Variants in ZYG11B observed in about 807,000 individuals in gnomAD.
The protein encoded by ZYG11B is zyg-11 family member B, cell cycle regulator, also known as protein zyg-11 homolog B.
In ZYG11B, 36 loss-of-function variants were observed where a neutral mutation model predicts 82.4. The ratio of observed to expected loss-of-function variants is 0.44; its 90% CI spans 0.33 to 0.58. ZYG11B has a LOEUF of 0.58. Ranked by LOEUF, ZYG11B falls within the 20% of genes least tolerant of loss-of-function variation. ZYG11B has a pLI of 0.02. For synonymous variants in ZYG11B, 303 were observed against 312.8 expected (o/e 0.97, Z 0.33); for missense variants, 552 against 895.6 (o/e 0.62, Z 4.90).
At chr1:52,732,047 C>G (rs981918721) in intron 1 of ZYG11B, among the ~76,000 whole-genome samples, 12 of 152,214 alleles carry the variant, frequency 7.9e-5, no homozygotes, top group African/African-American at 2.9e-4. Context: ...ACGTGATCTG[C>G]CCACTTTGGC....
intron 13 of ZYG11B, 158 bp downstream of exon 13, chr1:52,816,787 T>C: frequency 3.5e-6 from 2 of 568,958 alleles, no homozygotes; most frequent in Non-Finnish European, 6.0e-6. Context: ...ATTCTTTTTT[T>C]TTTTTTTTTT....
Position 52,741,293 on chromosome 1 carries a change from C to T in ZYG11B, c.30+14610C>T, listed in dbSNP as rs60538428. ...AGCCTGGGGCAAAAGAGTGAGACTT[C>T]GTCTCAAAAAAAAAAAAAAAAAAAA... On this transcript the variant is annotated intron_variant, in intron 1 of 13. Transcript: ENST00000294353. Among the ~76,000 whole-genome samples, 25 of 33,184 alleles carry T rather than the reference C, an allele frequency of 7.5e-4. No individual in the cohort carries two copies. In the East Asian group the frequency reaches 0.025, roughly 34 times the overall value. The allele number at this position is 33,184 out of a possible 152,430, so 21.8% of individuals were successfully genotyped here. A position where few individuals can be genotyped will look rare whatever the true frequency, so the allele number is the denominator to read the frequency against.
intron 1 of ZYG11B, among the ~76,000 whole-genome samples, chr1:52,729,073 G>T (rs1644308101): frequency 6.6e-6 from 1 of 152,160 alleles, no homozygotes; most frequent in Non-Finnish European, 1.5e-5. Context: ...CTCAGAGTTT[G>T]GAAGGCTGGG....
intron 10 of ZYG11B, chr1:52,805,091 CAA>C (rs57893615): frequency 0.074 from 8,280 of 111,800 alleles, 448 homozygotes; most frequent in East Asian, 0.32. Context: ...AACTCTGTCT[CAA>C]AAAAAAAAAA....
At chr1:52,797,427 T>TATATTATATATCATATATTATA (rs1558137821) in intron 8 of ZYG11B, among the ~76,000 whole-genome samples, 2 of 95,980 alleles carry the variant, frequency 2.1e-5, no homozygotes, top group African/African-American at 1.3e-4. Flanking sequence ...ATTATACATA[T>TATATTATATATCATATATTATA]TATATATAAC....
chr1:52,812,938 G>A (rs969331645), intron 10 of ZYG11B, among the ~76,000 whole-genome samples: 4 of 152,046 alleles, frequency 2.6e-5, no homozygotes, highest in African/African-American at 9.7e-5. Flanking sequence ...TGTTGGCCAG[G>A]CTTGTCTTAA....
chr1:52,817,775 GTGTATATATATATATATATATATATATA>G (rs1645239646), intron 13 of ZYG11B, among the ~76,000 whole-genome samples: 1 of 32,568 alleles, frequency 3.1e-5, no homozygotes, highest in South Asian at 1.1e-3. Flanking sequence ...GTATATATAT[GTGTATATATATATATATATATATATATA>G]TATATATATA....
At chr1:52,768,904 C>G (rs61768347) in intron 2 of ZYG11B, among the ~76,000 whole-genome samples, 2,794 of 152,242 alleles carry the variant, frequency 0.018, 50 homozygotes, top group Middle Eastern at 0.024. Flanking sequence ...TACTAACCTC[C>G]TTTCTCTATC....
chr1:52,741,384 G>C (rs542339325), intron 1 of ZYG11B, among the ~76,000 whole-genome samples: 1 of 150,690 alleles, frequency 6.6e-6, no homozygotes, highest in Non-Finnish European at 1.5e-5. Context: ...GGAGTATTAC[G>C]ATGAGAAGTC....
At chr1:52,758,558 A>G (rs74891362) in intron 2 of ZYG11B, among the ~76,000 whole-genome samples, 4,007 of 152,196 alleles carry the variant, frequency 0.026, 139 homozygotes, top group East Asian at 0.17. Context: ...TCCTACACCT[A>G]TATTAAAGGT....
intron 1 of ZYG11B, among the ~76,000 whole-genome samples, chr1:52,749,842 C>T (rs538205062): frequency 2.0e-5 from 3 of 152,170 alleles, no homozygotes; most frequent in East Asian, 3.9e-4. Flanking sequence ...CATGAGCCAC[C>T]GTGCCCATCC....
intron 2 of ZYG11B, among the ~76,000 whole-genome samples, chr1:52,761,776 C>T (rs1644633600): frequency 6.6e-6 from 1 of 152,142 alleles, no homozygotes; most frequent in African/African-American, 2.4e-5. Context: ...TCCATAGAGT[C>T]TGTACTAGTT....
chr1:52,775,701 AAAC>A (rs1454362046), intron 3 of ZYG11B, among the ~76,000 whole-genome samples: 1 of 152,094 alleles, frequency 6.6e-6, no homozygotes, highest in Non-Finnish European at 1.5e-5. Context: ...AAAAACAAAA[AAAC>A]AACAACAAAA....
rs764080592 is a variant in ZYG11B at position 52,726,498 on chromosome 1, G to GCTGCTACTGCTA, written c.-154_-143dup. The GCTGCTACTGCTA allele has an allele frequency of 2.2e-5, 14 of 628,332 alleles. No homozygotes were observed. The highest frequency in any genetic ancestry group is 1.5e-4 in the African/African-American group (8 of 51,748). 38.9% of individuals were successfully genotyped at this position (628,332 alleles called of 1,614,324 possible). On this transcript the variant is annotated 5_prime_UTR_variant, in exon 1 of 14. Coordinates refer to ENST00000294353, the MANE Select transcript of ZYG11B (RefSeq NM_024646.3). ...GGCTGCGGCTGCGGCTGCGGCTGCG[G>GCTGCTACTGCTA]CTGCTACTGCTACGCTCCTAGCTTG...
In ZYG11B at chr1:52,805,091, CAAAAAAAAAAA is replaced by C. The variant is rs57893615; in HGVS notation, c.1695+2965_1695+2975del. 63 of 112,340 alleles carry C rather than the reference CAAAAAAAAAAA, an allele frequency of 5.6e-4. 1 individual carries two copies. Among genetic ancestry groups the C allele is most frequent in the African/African-American group, 1.6e-3 (53 of 33,766 alleles). The allele number at this position is 112,340 out of a possible 1,614,324, so 7.0% of individuals were successfully genotyped here. A position where few individuals can be genotyped will look rare whatever the true frequency, so the allele number is the denominator to read the frequency against. On this transcript the variant is annotated intron_variant, in intron 10 of 13. Transcript: ENST00000294353. ...GGGCAACAAGAGCAAAACTCTGTCT[CAAAAAAAAAAA>C]AAAAAAAAAAAATGGAACACTTTGC...
At chr1:52,756,938 C>A (rs1489163216) in intron 2 of ZYG11B, among the ~76,000 whole-genome samples, 1 of 151,114 alleles carries the variant, frequency 6.6e-6, no homozygotes, top group Non-Finnish European at 1.5e-5. Flanking sequence ...CCAGCTCAGC[C>A]TCCTGTGTAG....
intron 13 of ZYG11B, among the ~76,000 whole-genome samples, chr1:52,817,334 T>G (rs1645233662): frequency 6.6e-6 from 1 of 152,210 alleles, no homozygotes; most frequent in Admixed American, 6.5e-5. Context: ...CCATGGTTTC[T>G]GAAGAAGCAA....
chr1:52,744,611 G>A (rs1644461410), intron 1 of ZYG11B, among the ~76,000 whole-genome samples: 1 of 152,214 alleles, frequency 6.6e-6, no homozygotes, highest in African/African-American at 2.4e-5. Context: ...GGGAGGCCAA[G>A]GCGGGCGGAT....
chr1:52,816,419 A>C, intron 12 of ZYG11B, 113 bp from the exon 13 acceptor site: 1 of 687,646 alleles, frequency 1.5e-6, no homozygotes. Context: ...CATTTATATT[A>C]GTCTAAATAT....
Sources: allele counts gnomAD v4.1 joint callset (sites outside exome capture counted in the v4.1 genomes callset), GRCh38; gene constraint gnomAD v4.1.1; transcripts MANE v1.5; gene names NCBI Gene and HGNC (gene_info 2026-07-23, HGNC 2026-07-21).